The following CFAP46 variants were observed in gnomAD, a reference collection of about 807,000 sequenced individuals.
CFAP46 encodes the protein cilia- and flagella-associated protein 46.
CFAP46 carries 245 observed loss-of-function variants against 325.7 expected under a neutral mutation model. That is an observed-to-expected ratio of 0.75 (90% confidence interval 0.68 to 0.84). The LOEUF is 0.84. Among genes scored for constraint, CFAP46 ranks in the 40% least tolerant of loss-of-function variants. The probability of loss-of-function intolerance (pLI) is 0.00; values close to 1 mark genes in which losing one functional copy is unlikely to be tolerated. For missense variants in CFAP46, 3,346 were observed against 3,543.0 expected, an observed-to-expected ratio of 0.94 and a Z score of 1.41; for synonymous variants, 1,523 against 1,495.9, an observed-to-expected ratio of 1.02 and a Z score of -0.42.
chr10:132,878,804 G>A (rs555337388), intron 29 of CFAP46, among the ~76,000 whole-genome samples: 14 of 152,292 alleles, frequency 9.2e-5, no homozygotes, highest in South Asian at 2.1e-4. Context: ...TGGGGGCTCC[G>A]GGCAAACTCA....
chr10:132,887,953 T>C (rs1849187650), intron 25 of CFAP46, among the ~76,000 whole-genome samples: 1 of 84,716 alleles, frequency 1.2e-5, no homozygotes, highest in African/African-American at 8.4e-5. Context: ...CCTCTCTCTC[T>C]CCGCTCCTCT....
At chr10:132,810,368 G>A in intron 57 of CFAP46, 41 bp downstream of exon 57, 1 of 1,565,418 alleles carries the variant, frequency 6.4e-7, no homozygotes, top group South Asian at 1.1e-5. Flanking sequence ...TGGCTGCAGA[G>A]GGTGCTGAAG....
intron 25 of CFAP46, among the ~76,000 whole-genome samples, chr10:132,890,262 T>C (rs1295635184): frequency 1.3e-5 from 2 of 152,004 alleles, no homozygotes; most frequent in East Asian, 3.9e-4. Context: ...ACTGAAGGGG[T>C]CTGGGCTGCC....
chr10:132,831,517 C>T (rs1163280041), intron 50 of CFAP46, among the ~76,000 whole-genome samples: 4 of 152,168 alleles, frequency 2.6e-5, no homozygotes, highest in African/African-American at 9.7e-5. Context: ...GGTCACATTC[C>T]CAGGATGAAC....
At chr10:132,930,087 A>G (rs1354724260) in intron 8 of CFAP46, among the ~76,000 whole-genome samples, 1 of 152,102 alleles carries the variant, frequency 6.6e-6, no homozygotes, top group African/African-American at 2.4e-5. Flanking sequence ...TCCAGGCTTC[A>G]GGTCATGTGC....
At chr10:132,860,654 G>T in intron 36 of CFAP46, 128 bp downstream of exon 36, 1 of 1,213,254 alleles carries the variant, frequency 8.2e-7, no homozygotes, top group Non-Finnish European at 1.2e-6. Flanking sequence ...GTGTCTGAGG[G>T]TGGGGCAGGG....
intron 45 of CFAP46, 38 bp from the exon 46 acceptor site, chr10:132,836,256 A>G: frequency 6.3e-7 from 1 of 1,599,572 alleles, no homozygotes; most frequent in Non-Finnish European, 8.5e-7. Context: ...CAGGCAAGCC[A>G]TGAAGGAAAC....
Position 132,899,617 on chromosome 10 carries a change from G to T in CFAP46, c.2974C>A (p.Gln992Lys). 1 of 1,550,296 alleles carries T rather than the reference G, an allele frequency of 6.5e-7. No individual in the cohort carries two copies. The highest frequency in any genetic ancestry group is 8.7e-7 in the Non-Finnish European group (1 of 1,146,976). ...AGGTTTTCCATGATGCTCCTGCCCT[G>T]GATGGCCGTGGCTGTGCACAGCATC... ...AEMLCTATAI[Q>K]GRSIMENLKG... The change falls in exon 23 of 58, where the codon CAG (glutamine) becomes AAG (lysine). Residue 992 changes from glutamine (Q) to lysine (K), a missense_variant. Physicochemically the swap from Gln to Lys is moderately conservative, Grantham distance 53. Coordinates refer to ENST00000368586, the MANE Select transcript of CFAP46 (RefSeq NM_001200049.3).
rs1429909019 is a variant in CFAP46 at position 132,879,543 on chromosome 10, C to A, written c.3888G>T (p.Arg1296=). ...GCACGCGGGCCAGCGCCTCCAGCTGCCGCACGCTACGCAGCTGCTCCAAGG... is the reference window on the plus strand; with the variant it reads ...GCACGCGGGCCAGCGCCTCCAGCTGACGCACGCTACGCAGCTGCTCCAAGG... ...AVSLEQLRSV[R]QLEALARVHI... Residue 1296 remains arginine, a synonymous_variant, in exon 29 of 58, where the codon CGG becomes CGT. Coordinates refer to ENST00000368586, the MANE Select transcript of CFAP46 (RefSeq NM_001200049.3). The A allele has an allele frequency of 1.3e-6, 2 of 1,547,418 alleles. No individual in the cohort carries two copies. Among genetic ancestry groups the A allele is most frequent in the East Asian group, 4.9e-5 (2 of 40,880 alleles).
chr10:132,848,300 G>C (rs1848475025), intron 41 of CFAP46, among the ~76,000 whole-genome samples: 1 of 152,194 alleles, frequency 6.6e-6, no homozygotes, highest in Non-Finnish European at 1.5e-5. Flanking sequence ...AAATACTGAG[G>C]GAAGAGAAAA....
At chr10:132,844,723 T>G (rs1303058387) in intron 44 of CFAP46, among the ~76,000 whole-genome samples, 1 of 152,198 alleles carries the variant, frequency 6.6e-6, no homozygotes, top group Non-Finnish European at 1.5e-5. Context: ...GGGTGAGCTC[T>G]GCCTGGTCTG....
At chr10:132,935,036 C>A (rs1417743474) in intron 7 of CFAP46, among the ~76,000 whole-genome samples, 174 bp from the exon 8 acceptor site, 5 of 152,048 alleles carry the variant, frequency 3.3e-5, no homozygotes, top group African/African-American at 9.7e-5. Flanking sequence ...CCCTTCTGGT[C>A]CTCCTTCCCT....
At position 132,835,349 on chromosome 10, in the gene CFAP46, G is replaced by A. The variant is rs1848223171; in HGVS notation, c.6699C>T (p.Thr2233=). ...LACAQQFRKQ[T]QAQVYSEDMA... is the part of the protein sequence containing the mutation. ...TGTCCTCACTGTACACCTGGGCCTG[G>A]GTCTGCTTCCGGAACTGCTGGGCAC... is the stretch of plus-strand genomic sequence containing the variant. Residue 2233 remains threonine, a synonymous_variant, in exon 47 of 58, where the codon ACC becomes ACT. Transcript: ENST00000368586. 1 of 1,613,636 alleles carries A rather than the reference G, an allele frequency of 6.2e-7. No individual in the cohort carries two copies. The highest frequency in any genetic ancestry group is 8.5e-7 in the Non-Finnish European group (1 of 1,179,924).
intron 44 of CFAP46, among the ~76,000 whole-genome samples, chr10:132,838,265 A>G (rs1346299832): frequency 6.6e-6 from 1 of 152,276 alleles, no homozygotes; most frequent in East Asian, 1.9e-4. Flanking sequence ...CCGCATGGGC[A>G]GCCCTCCATC....
intron 50 of CFAP46, among the ~76,000 whole-genome samples, chr10:132,824,755 A>T (rs1296116083): frequency 1.8e-4 from 11 of 62,028 alleles, no homozygotes; most frequent in Middle Eastern, 0.019. Flanking sequence ...GTGCTGTGTG[A>T]GTGCTGATGT....
At chr10:132,909,896 C>G in intron 20 of CFAP46, 23 bp downstream of exon 20, 1 of 1,413,192 alleles carries the variant, frequency 7.1e-7, no homozygotes, top group South Asian at 1.5e-5. Context: ...AGTCAGAGCC[C>G]AGATGTGGGC....
chr10:132,878,329 G>C (rs947668295), intron 29 of CFAP46, among the ~76,000 whole-genome samples: 1 of 152,180 alleles, frequency 6.6e-6, no homozygotes, highest in Non-Finnish European at 1.5e-5. Flanking sequence ...TGGCTCCGCG[G>C]GTGTCCCTCA....
At chr10:132,825,244 GAT>G (rs1332412543) in intron 50 of CFAP46, among the ~76,000 whole-genome samples, 1 of 147,834 alleles carries the variant, frequency 6.8e-6, no homozygotes, top group Non-Finnish European at 1.5e-5. Flanking sequence ...TGTGTGCCCT[GAT>G]GTGTGCTGTG....
chr10:132,836,127 T>A lies in CFAP46; in HGVS notation c.6613+15A>T. 2 of 1,417,058 alleles carry A rather than the reference T, an allele frequency of 1.4e-6. No homozygotes were observed. The highest frequency in any genetic ancestry group is 3.3e-5 in the East Asian group (1 of 30,214). 87.8% of individuals were successfully genotyped at this position (1,417,058 alleles called of 1,614,324 possible). On this transcript the variant is annotated intron_variant, in intron 46 of 57. Coordinates refer to ENST00000368586, the MANE Select transcript of CFAP46 (RefSeq NM_001200049.3). ...TGCCCTGCTCCCCCTCCCCCTCCCC[T>A]GCAGCCCTGCTCACCTCCCACCGCC...
Sources: allele counts gnomAD v4.1 joint callset (sites outside exome capture counted in the v4.1 genomes callset), GRCh38; gene constraint gnomAD v4.1.1; transcripts MANE v1.5; gene names NCBI Gene and HGNC (gene_info 2026-07-23, HGNC 2026-07-21).